Variants in SYTL2 observed in about 807,000 individuals in gnomAD.
SYTL2 encodes the protein synaptotagmin-like protein 2.
In SYTL2, 165 loss-of-function variants were observed where a neutral mutation model predicts 198.7. The ratio of observed to expected loss-of-function variants is 0.83; its 90% CI spans 0.73 to 0.94. The LOEUF (loss-of-function observed/expected upper bound fraction) is 0.94, where lower values mean the gene tolerates loss of function less well. SYTL2 is among the 40% of genes least tolerant of loss of function. The pLI is 0.00. For missense variants in SYTL2, 2,835 were observed against 2,582.8 expected (o/e 1.10, Z -2.12); for synonymous variants, 966 against 917.7 (o/e 1.05, Z -0.95).
upstream of SYTL2, chr11:85,811,234 G>T (rs1393741925): frequency 6.6e-6 from 1 of 151,714 alleles, no homozygotes; most frequent in Non-Finnish European, 1.5e-5. Context: ...TCGGGCCAAT[G>T]GCGCTTCGCC....
intron 17 of SYTL2, among the ~76,000 whole-genome samples, chr11:85,699,048 C>G (rs2083852577): frequency 6.6e-6 from 1 of 152,188 alleles, no homozygotes. Flanking sequence ...ATAAGCTCAT[C>G]TCTATGCTAT....
chr11:85,736,908 G>A (rs963612699), intron 5 of SYTL2, among the ~76,000 whole-genome samples: 7 of 152,120 alleles, frequency 4.6e-5, no homozygotes, highest in African/African-American at 1.7e-4. Flanking sequence ...CCCGGATATA[G>A]CAAAGACCAG....
At chr11:85,833,353 G>T in the SYTL2 span, among the ~76,000 whole-genome samples, 1 of 143,112 alleles carries the variant, frequency 7.0e-6, no homozygotes, top group Non-Finnish European at 1.5e-5. Context: ...ATATATACAC[G>T]ATATATATAT....
intron 6 of SYTL2, among the ~76,000 whole-genome samples, chr11:85,736,106 AT>A (rs943464940): frequency 6.6e-6 from 1 of 152,266 alleles, no homozygotes; most frequent in Non-Finnish European, 1.5e-5. Context: ...AGATTAGAGG[AT>A]CATAACATTG....
At chr11:85,723,218 CGTTCATGTAGAT>C (rs1565916874) in intron 8 of SYTL2, among the ~76,000 whole-genome samples, 2 of 152,180 alleles carry the variant, frequency 1.3e-5, no homozygotes, top group African/African-American at 4.8e-5. Context: ...AACGCCCCCA[CGTTCATGTAGAT>C]GAATGTGGAG....
chr11:85,733,895 G>A (rs371737278), intron 7 of SYTL2, 44 bp downstream of exon 7: 69 of 1,564,128 alleles, frequency 4.4e-5, no homozygotes, highest in African/African-American at 2.7e-4. Flanking sequence ...CACCGCGCCC[G>A]GCCCCACCAA....
chr11:85,818,490 C>T, the SYTL2 span, among the ~76,000 whole-genome samples: 19 of 151,728 alleles, frequency 1.3e-4, no homozygotes, highest in East Asian at 1.9e-4. Flanking sequence ...AGCCCTGGAC[C>T]GGGGGTCATA....
the SYTL2 span, among the ~76,000 whole-genome samples, chr11:85,823,221 G>A: frequency 2.0e-5 from 3 of 152,228 alleles, no homozygotes; most frequent in African/African-American, 7.2e-5. Context: ...CTGACACATA[G>A]TAGGCACTGG....
intron 7 of SYTL2, among the ~76,000 whole-genome samples, chr11:85,730,040 C>T (rs1443694490): frequency 2.6e-5 from 4 of 152,104 alleles, no homozygotes; most frequent in African/African-American, 9.7e-5. Flanking sequence ...AAGACTAAAC[C>T]AGGAAGACGT....
chr11:85,813,713 TCCTTTCCTTCC>T (rs2093058092), upstream of SYTL2, among the ~76,000 whole-genome samples: 2 of 98,252 alleles, frequency 2.0e-5, no homozygotes, highest in South Asian at 7.3e-4. Flanking sequence ...CCTCCCTCCC[TCCTTTCCTTCC>T]TTCCTTCCTT....
chr11:85,752,704 G>T (rs2091585885), intron 2 of SYTL2, among the ~76,000 whole-genome samples: 1 of 151,872 alleles, frequency 6.6e-6, no homozygotes, highest in South Asian at 2.1e-4. Flanking sequence ...GATCAACAAG[G>T]CTTCAATCCT....
the SYTL2 span, among the ~76,000 whole-genome samples, chr11:85,834,765 T>C: frequency 3.1e-4 from 47 of 151,798 alleles, no homozygotes; most frequent in Non-Finnish European, 6.2e-4. Context: ...TTTTTCTTTT[T>C]TTTTTTTCTT....
At chr11:85,780,720 T>C (rs1438059832) in intron 1 of SYTL2, among the ~76,000 whole-genome samples, 2 of 152,206 alleles carry the variant, frequency 1.3e-5, no homozygotes, top group Admixed American at 6.5e-5. Flanking sequence ...ACAAGTAAAG[T>C]TTTTCTCTGA....
At chr11:85,754,416 GC>G (rs2091736673) in intron 2 of SYTL2, among the ~76,000 whole-genome samples, 1 of 152,030 alleles carries the variant, frequency 6.6e-6, no homozygotes, top group Non-Finnish European at 1.5e-5. Flanking sequence ...AGAATCTCCT[GC>G]CCCTTTTTGG....
intron 6 of SYTL2, among the ~76,000 whole-genome samples, chr11:85,735,573 AG>A (rs2090258596): frequency 6.6e-6 from 1 of 152,134 alleles, no homozygotes; most frequent in South Asian, 2.1e-4. Flanking sequence ...CCTGGCCAAA[AG>A]GGTGAAACCT....
rs547883573 is a variant in SYTL2 at position 85,758,982 on chromosome 11, T to C, written c.-389-868A>G. Among the ~76,000 whole-genome samples, 7 of 152,268 alleles carry C rather than the reference T, an allele frequency of 4.6e-5. No homozygotes were observed. The East Asian group carries it at 9.6e-4, about 21-fold the overall frequency. On this transcript the variant is annotated intron_variant, in intron 1 of 19. Coordinates refer to ENST00000359152, the MANE Select transcript of SYTL2 (RefSeq NM_206927.4). ...AAAGCAGGCTGGGTGCAGTGGTTCATGCCTGTAATCCTAGCACTTTGGGAG... is the reference window on the plus strand; with the variant it reads ...AAAGCAGGCTGGGTGCAGTGGTTCACGCCTGTAATCCTAGCACTTTGGGAG...
intron 1 of SYTL2, among the ~76,000 whole-genome samples, chr11:85,799,788 T>TCA (rs928662898): frequency 2.0e-5 from 3 of 152,136 alleles, no homozygotes; most frequent in African/African-American, 7.2e-5. Context: ...ACTATGAACA[T>TCA]CACACTGAGT....
chr11:85,737,718 C>A, intron 4 of SYTL2, 62 bp from the exon 5 acceptor site: 1 of 1,397,292 alleles, frequency 7.2e-7, no homozygotes, highest in Non-Finnish European at 1.0e-6. Context: ...ATAAATTATG[C>A]CTCTGAAGTG....
chr11:85,725,856 T>C lies in SYTL2; in HGVS notation c.3502A>G (p.Asn1168Asp), dbSNP rs377074608. 1.1e-5 allele frequency: 17 copies of C among 1,613,796 alleles called. No homozygotes were observed. Among genetic ancestry groups the C allele is most frequent in the African/African-American group, 1.3e-5 (1 of 74,912 alleles). Reference protein sequence around the residue: ...KQVLEPSVSENRTWPQKTDFA... With the variant: ...KQVLEPSVSEDRTWPQKTDFA... ...TCTGTTTTTTGAGGCCATGTCCTATTTTCAGAAACACTTGGTTCAAGCACT... is the reference window on the plus strand; with the variant it reads ...TCTGTTTTTTGAGGCCATGTCCTATCTTCAGAAACACTTGGTTCAAGCACT... The change falls in exon 8 of 20, where the codon AAT (asparagine) becomes GAT (aspartate). Residue 1168 changes from asparagine (N) to aspartate (D), a missense_variant. Around this residue, in one of 3 missense-constraint regions of SYTL2, gnomAD observed 2,645 missense variants for 2,381.7 expected, o/e 1.11. Coordinates refer to ENST00000359152, the MANE Select transcript of SYTL2 (RefSeq NM_206927.4).
Sources: gnomAD v4.1 joint callset for allele counts (sites outside exome capture counted in the v4.1 genomes callset) on GRCh38, gnomAD v4.1.1 for gene constraint, gnomAD v4.1.1 regional missense constraint, MANE v1.5 for transcripts, NCBI Gene and HGNC (gene_info 2026-07-23, HGNC 2026-07-21) for gene names.